The following DNAAF9 variants were observed in gnomAD, a reference collection of about 807,000 sequenced individuals.
DNAAF9 encodes the protein shulin.
Under a neutral mutation model 167.0 loss-of-function variants are expected in DNAAF9, and 90 were observed. That is an observed-to-expected ratio of 0.54 (90% CI 0.45 to 0.64). DNAAF9 has a LOEUF of 0.64. DNAAF9 is among the 30% of genes least tolerant of loss of function. DNAAF9 has a pLI of 0.00. For missense variants in DNAAF9, 1,315 were observed against 1,442.2 expected, an observed-to-expected ratio of 0.91 and a Z score of 1.43; for synonymous variants, 491 against 508.8, an observed-to-expected ratio of 0.96 and a Z score of 0.47.
chr20:3,394,942 CTTTTTTCTTTTTT>C lies in DNAAF9; in HGVS notation c.84-12449_84-12437del, dbSNP rs2083880500. Among the ~76,000 whole-genome samples, 442 of 89,014 alleles carry C rather than the reference CTTTTTTCTTTTTT, an allele frequency of 5.0e-3. 9 individuals are homozygous for C. The highest frequency in any genetic ancestry group is 7.7e-3 in the African/African-American group (197 of 25,702). 58.4% of individuals were successfully genotyped at this position (89,014 alleles called of 152,430 possible). A position where few individuals can be genotyped will look rare whatever the true frequency, so the allele number is the denominator to read the frequency against. On this transcript the variant is annotated intron_variant, in intron 1 of 36. Coordinates refer to ENST00000252032, the MANE Select transcript of DNAAF9 (RefSeq NM_001009984.3). ...TTCCATGGCTTTTACTGAACATTTT[CTTTTTTCTTTTTT>C]TTTTTTTTTTTTTTTTTTTTTTTTT...
intron 8 of DNAAF9, among the ~76,000 whole-genome samples, chr20:3,344,600 C>CACAT (rs1475910197): frequency 1.6e-4 from 13 of 79,180 alleles, no homozygotes; most frequent in Non-Finnish European, 2.5e-4. Context: ...TACACACACA[C>CACAT]ACACACACAC....
At chr20:3,351,834 T>TTTTATTTATTTATTTA (rs3082553) in intron 7 of DNAAF9, among the ~76,000 whole-genome samples, 35 of 146,226 alleles carry the variant, frequency 2.4e-4, no homozygotes, top group African/African-American at 8.2e-4. Flanking sequence ...GTTTGTGTTA[T>TTTTATTTATTTATTTA]TTTATTTATT....
chr20:3,300,702 TAATAATAA>T (rs2069170120), intron 21 of DNAAF9, among the ~76,000 whole-genome samples: 1 of 143,560 alleles, frequency 7.0e-6, no homozygotes, highest in Non-Finnish European at 1.5e-5. Context: ...ATAATAATAA[TAATAATAA>T]TAATAATAAT....
intron 25 of DNAAF9, among the ~76,000 whole-genome samples, chr20:3,291,724 G>A (rs938959869): frequency 6.6e-6 from 1 of 152,166 alleles, no homozygotes; most frequent in Non-Finnish European, 1.5e-5. Flanking sequence ...AAGCCTGGAA[G>A]CACTCATCAC....
At chr20:3,327,299 AGATG>A in intron 12 of DNAAF9, among the ~76,000 whole-genome samples, 1 of 152,082 alleles carries the variant, frequency 6.6e-6, no homozygotes, top group East Asian at 1.9e-4. Context: ...CCTACCCACT[AGATG>A]TTGGTAGCAT....
At position 3,376,271 on chromosome 20, in the gene DNAAF9, G is replaced by T. The variant is rs764443808; in HGVS notation, c.315C>A (p.Val105=). The part of the protein sequence containing the change: ...DVIILIKSDS[V]HLYCNPVNFR... ...AGTTTACAGGATTACAGTACAGATGGACGCTATCCGATTTAATCAATATAA... is the reference window on the plus strand; with the variant it reads ...AGTTTACAGGATTACAGTACAGATGTACGCTATCCGATTTAATCAATATAA... Residue 105 remains valine (V), a synonymous_variant, in exon 4 of 37, where the codon GTC becomes GTA. Coordinates refer to ENST00000252032, the MANE Select transcript of DNAAF9 (RefSeq NM_001009984.3). 3.7e-6 allele frequency: 6 copies of T among 1,611,580 alleles called. No homozygotes were observed. The highest frequency in any genetic ancestry group is 5.1e-6 in the Non-Finnish European group (6 of 1,178,544).
intron 7 of DNAAF9, among the ~76,000 whole-genome samples, chr20:3,356,509 T>C (rs1359547688): frequency 1.3e-5 from 2 of 152,282 alleles, no homozygotes; most frequent in Admixed American, 6.5e-5. Context: ...TGTGTTTGCA[T>C]TGAAATGATG....
intron 6 of DNAAF9, among the ~76,000 whole-genome samples, chr20:3,370,697 C>A (rs775366382): frequency 3.9e-5 from 6 of 152,164 alleles, no homozygotes; most frequent in Non-Finnish European, 8.8e-5. Flanking sequence ...CTTGAGCCAC[C>A]GCGCCCAGCC....
At chr20:3,304,299 CCCTG>C in intron 21 of DNAAF9, 137 bp downstream of exon 21, 1 of 669,386 alleles carries the variant, frequency 1.5e-6, no homozygotes, top group Non-Finnish European at 2.7e-6. Context: ...CGACCTCCCT[CCCTG>C]CCTGCCTCAG....
At chr20:3,363,184 G>T (rs1356827817) in intron 6 of DNAAF9, among the ~76,000 whole-genome samples, 1 of 141,922 alleles carries the variant, frequency 7.0e-6, no homozygotes, top group Non-Finnish European at 1.5e-5. Flanking sequence ...AGCCAAGATC[G>T]TGCCATTGCT....
Position 3,281,646 on chromosome 20 carries a change from C to A in DNAAF9, c.2607G>T (p.Glu869Asp), listed in dbSNP as rs367932462. ...ACACCATATCCTGTATCTACCTGTG[C>A]TCCATGTAGCAGCTCATGGGCTCCA... is the stretch of plus-strand genomic sequence containing the variant. ...ACVEPMSCYMEHRFLFPKCLD... is the reference protein window; with the variant it reads ...ACVEPMSCYMDHRFLFPKCLD... The change falls in exon 28 of 37, where the codon GAG becomes GAT. Residue 869 changes from glutamate to aspartate, a missense_variant. Physicochemically the swap from Glu to Asp is conservative, Grantham distance 45. Transcript: ENST00000252032. The A allele has an allele frequency of 1.2e-6, 2 of 1,608,546 alleles. No individual in the cohort carries two copies. The highest frequency in any genetic ancestry group is 1.7e-6 in the Non-Finnish European group (2 of 1,178,126).
rs765366167 is a variant in DNAAF9 at position 3,318,281 on chromosome 20, A to T, written c.1468+8T>A. 2 of 1,309,696 alleles carry T rather than the reference A, an allele frequency of 1.5e-6. No homozygotes were observed. Among genetic ancestry groups the T allele is most frequent in the East Asian group, 4.6e-5 (2 of 43,428 alleles). The allele number at this position is 1,309,696 out of a possible 1,614,324, so 81.1% of individuals were successfully genotyped here. ...AAGGTTTGCTTTCTAAAGATCACATATACTTACCCTTTTCTTTAACTAAGA... is the reference window on the plus strand; with the variant it reads ...AAGGTTTGCTTTCTAAAGATCACATTTACTTACCCTTTTCTTTAACTAAGA... On this transcript the variant is annotated splice_region_variant and intron_variant, in intron 17 of 36. Coordinates refer to ENST00000252032, the MANE Select transcript of DNAAF9 (RefSeq NM_001009984.3).
chr20:3,379,652 T>C (rs1368738195), intron 3 of DNAAF9, among the ~76,000 whole-genome samples: 1 of 152,196 alleles, frequency 6.6e-6, no homozygotes, highest in Non-Finnish European at 1.5e-5. Flanking sequence ...CCCCCTCTCA[T>C]ATGAGATCAA....
intron 7 of DNAAF9, among the ~76,000 whole-genome samples, chr20:3,350,589 G>T (rs1324425733): frequency 6.6e-6 from 1 of 152,090 alleles, no homozygotes; most frequent in Non-Finnish European, 1.5e-5. Flanking sequence ...CTCAGATTGT[G>T]GTGCTGAAAT....
At chr20:3,313,041 A>G (rs2069441218) in intron 20 of DNAAF9, among the ~76,000 whole-genome samples, 1 of 152,220 alleles carries the variant, frequency 6.6e-6, no homozygotes, top group South Asian at 2.1e-4. Context: ...ATGCAAGACT[A>G]TTTTTCTAAC....
chr20:3,281,745 A>G lies in DNAAF9; in HGVS notation c.2508T>C (p.Val836=). 6.2e-7 allele frequency: 1 copy of G among 1,611,740 alleles called. No homozygotes were observed. ...CTGGGTGGGTCTGCAGGGCCTGGAC[A>G]ACATCAATAACATCTGTGTAGCTGG... ...VLQGYTDVID[V]VQALQTHPDS... Residue 836 remains valine, a synonymous_variant, in exon 28 of 37, where the codon GTT becomes GTC. Coordinates refer to ENST00000252032, the MANE Select transcript of DNAAF9 (RefSeq NM_001009984.3).
chr20:3,269,560 C>A (rs2068554913), intron 30 of DNAAF9, among the ~76,000 whole-genome samples: 1 of 152,130 alleles, frequency 6.6e-6, no homozygotes, highest in South Asian at 2.1e-4. Context: ...TTAAGAGAAT[C>A]TTGGCTACCA....
At chr20:3,336,344 T>C (rs1292722644) in intron 10 of DNAAF9, among the ~76,000 whole-genome samples, 1 of 149,692 alleles carries the variant, frequency 6.7e-6, no homozygotes, top group African/African-American at 2.5e-5. Context: ...CTCCTCTCCT[T>C]CTGGTACTCC....
Position 3,395,822 on chromosome 20 carries a change from T to C in DNAAF9, c.83+11653A>G, listed in dbSNP as rs371896875. Among the ~76,000 whole-genome samples, 34 of 152,272 alleles carry C rather than the reference T, an allele frequency of 2.2e-4. 1 individual carries two copies. The South Asian group carries it at 6.6e-3, about 30-fold the overall frequency. The stretch of plus-strand genomic sequence containing the variant: ...AGGTTGATTCCTAGGTATTTTGCAG[T>C]TTTTGTTTCTATTTTGAATGTCATG... On this transcript the variant is annotated intron_variant, in intron 1 of 36. Transcript: ENST00000252032.
Sources: allele counts gnomAD v4.1 joint callset (sites outside exome capture counted in the v4.1 genomes callset), GRCh38; gene constraint gnomAD v4.1.1; transcripts MANE v1.5; gene names NCBI Gene and HGNC (gene_info 2026-07-23, HGNC 2026-07-21).